The following CDH13 variants were observed in gnomAD, a reference collection of about 807,000 sequenced individuals.
The protein encoded by CDH13 is cadherin 13, also known as cadherin-13.
A neutral mutation model predicts 63.8 loss-of-function variants in CDH13; 24 were observed. The ratio of observed to expected loss-of-function variants is 0.38; its 90% CI spans 0.27 to 0.53. CDH13 has a LOEUF of 0.53. Ranked by LOEUF, CDH13 falls within the 20% of genes least tolerant of loss-of-function variation. The pLI is 0.85. For synonymous variants in CDH13, 503 were observed against 355.3 expected (o/e 1.42, Z -4.67); for missense variants, 1,049 against 903.1 (o/e 1.16, Z -2.07).
intron 7 of CDH13, among the ~76,000 whole-genome samples, chr16:83,592,801 G>T (rs1226073970): frequency 6.6e-6 from 1 of 152,150 alleles, no homozygotes; most frequent in East Asian, 1.9e-4. Flanking sequence ...ATAAAAAACA[G>T]CAGGTGACAG....
intron 1 of CDH13, among the ~76,000 whole-genome samples, chr16:82,806,563 G>A (rs955460311): frequency 1.2e-4 from 18 of 152,140 alleles, no homozygotes; most frequent in Admixed American, 6.6e-5. Flanking sequence ...AAGGAGTAAT[G>A]AGCAGAGTGA....
At chr16:83,315,498 C>A (rs976274287) in intron 5 of CDH13, among the ~76,000 whole-genome samples, 10 of 152,126 alleles carry the variant, frequency 6.6e-5, no homozygotes, top group African/African-American at 2.4e-4. Context: ...CCGTGAATGA[C>A]TAACTGGTGA....
intron 10 of CDH13, among the ~76,000 whole-genome samples, chr16:83,715,891 G>GA (rs1402828855): frequency 6.6e-6 from 1 of 151,974 alleles, no homozygotes; most frequent in African/African-American, 2.4e-5. Flanking sequence ...CCTGGGTGGG[G>GA]AAAAAAACAA....
intron 2 of CDH13, among the ~76,000 whole-genome samples, chr16:83,002,813 A>C (rs1205580681): frequency 6.6e-6 from 1 of 152,162 alleles, no homozygotes; most frequent in African/African-American, 2.4e-5. Context: ...TGAAACTGCA[A>C]AGGCCGTGAC....
chr16:83,244,218 C>G (rs1904759010), intron 5 of CDH13, among the ~76,000 whole-genome samples: 1 of 151,996 alleles, frequency 6.6e-6, no homozygotes, highest in Admixed American at 6.6e-5. Context: ...CTTGTGAGCT[C>G]CAAGAGGGCT....
intron 6 of CDH13, among the ~76,000 whole-genome samples, chr16:83,485,628 G>T (rs2073869090): frequency 6.6e-6 from 1 of 151,936 alleles, no homozygotes; most frequent in African/African-American, 2.4e-5. Flanking sequence ...TCTTCTTACG[G>T]GTCCTCATCA....
chr16:82,687,206 G>T (rs1237854324), intron 1 of CDH13, among the ~76,000 whole-genome samples: 1 of 152,194 alleles, frequency 6.6e-6, no homozygotes. Context: ...GTCAGTGCCT[G>T]TGAACAGTGA....
intron 10 of CDH13, among the ~76,000 whole-genome samples, chr16:83,712,388 C>G (rs1365297938): frequency 6.6e-6 from 1 of 152,182 alleles, no homozygotes; most frequent in Non-Finnish European, 1.5e-5. Context: ...AAAACAGGAT[C>G]TTTGCCCAAC....
chr16:83,682,552 G>A (rs576873111), intron 10 of CDH13, among the ~76,000 whole-genome samples: 1 of 152,240 alleles, frequency 6.6e-6, no homozygotes, highest in East Asian at 1.9e-4. Flanking sequence ...CACTGACTGT[G>A]CGCATCCTGA....
At chr16:83,714,662 C>T (rs1429825171) in intron 10 of CDH13, among the ~76,000 whole-genome samples, 3 of 152,154 alleles carry the variant, frequency 2.0e-5, no homozygotes, top group South Asian at 2.1e-4. Flanking sequence ...TATCACAAGA[C>T]AGACTCAGGA....
intron 2 of CDH13, among the ~76,000 whole-genome samples, chr16:83,005,658 A>T (rs1913413661): frequency 6.6e-6 from 1 of 152,194 alleles, no homozygotes; most frequent in African/African-American, 2.4e-5. Flanking sequence ...AACAGTGTCA[A>T]ATTCTCATCA....
intron 6 of CDH13, among the ~76,000 whole-genome samples, chr16:83,415,364 T>G (rs2325873): frequency 6.6e-6 from 1 of 152,088 alleles, no homozygotes; most frequent in African/African-American, 2.4e-5. Context: ...AGAATCCTTC[T>G]CAAACTCTTC....
chr16:82,922,309 C>T (rs565233346), intron 2 of CDH13, among the ~76,000 whole-genome samples: 4 of 152,220 alleles, frequency 2.6e-5, no homozygotes, highest in East Asian at 1.9e-4. Flanking sequence ...CAACTTTTCA[C>T]ATAAGTAACT....
rs912425625 is a variant in CDH13 at position 83,179,494 on chromosome 16, A to G, written c.484-37851A>G. Among the ~76,000 whole-genome samples the G allele has an allele frequency of 9.4e-5, 14 of 148,532 alleles. 3 individuals are homozygous for G. Among genetic ancestry groups the G allele is most frequent in the Non-Finnish European group, 1.3e-4 (9 of 67,078 alleles). On this transcript the variant is annotated intron_variant, in intron 4 of 13. Coordinates refer to ENST00000567109, the MANE Select transcript of CDH13 (RefSeq NM_001257.5). The stretch of plus-strand genomic sequence containing the variant: ...CCCCGTCTCTACTAAAAAAAAAAAA[A>G]AAAAAAAATTAGCCGGGCGTGGTGG...
chr16:82,772,023 C>T lies in CDH13; in HGVS notation c.46-86339C>T, dbSNP rs531258375. Reference sequence around the variant, plus strand: ...AGATGCTTCTGTACTTCATGTGTTACAGACAAAGCAGATCCACTAGATGCA... The same window carrying T: ...AGATGCTTCTGTACTTCATGTGTTATAGACAAAGCAGATCCACTAGATGCA... On this transcript the variant is annotated intron_variant, in intron 1 of 13. Coordinates refer to ENST00000567109, the MANE Select transcript of CDH13 (RefSeq NM_001257.5). Among the ~76,000 whole-genome samples, 4 of 152,314 alleles carry T rather than the reference C, an allele frequency of 2.6e-5. No homozygotes were observed. In the South Asian group the frequency reaches 8.3e-4, roughly 32 times the overall value.
At chr16:83,175,167 C>T (rs747320312) in intron 4 of CDH13, among the ~76,000 whole-genome samples, 8 of 152,040 alleles carry the variant, frequency 5.3e-5, no homozygotes, top group Admixed American at 6.6e-5. Context: ...TTGGACAGCC[C>T]TATTCTAGAT....
chr16:82,748,402 G>A (rs148788222), intron 1 of CDH13, among the ~76,000 whole-genome samples: 2 of 152,264 alleles, frequency 1.3e-5, no homozygotes, highest in African/African-American at 4.8e-5. Context: ...TCTTAATCGT[G>A]TGTGTGATTT....
intron 1 of CDH13, among the ~76,000 whole-genome samples, chr16:82,713,934 A>T (rs895326937): frequency 6.6e-6 from 1 of 152,092 alleles, no homozygotes; most frequent in Non-Finnish European, 1.5e-5. Flanking sequence ...TACTCAAATC[A>T]TACCCTTAAT....
At chr16:83,240,724 T>TTTA (rs1904355317) in intron 5 of CDH13, among the ~76,000 whole-genome samples, 1 of 102,326 alleles carries the variant, frequency 9.8e-6, no homozygotes, top group East Asian at 2.3e-4. Context: ...AATCTTTTTT[T>TTTA]TTTTTTTTTT....
Sources: allele counts gnomAD v4.1 joint callset (sites outside exome capture counted in the v4.1 genomes callset), GRCh38; gene constraint gnomAD v4.1.1; transcripts MANE v1.5; gene names NCBI Gene and HGNC (gene_info 2026-07-23, HGNC 2026-07-21).